The following SETD1B variants were observed in gnomAD, a reference collection of about 807,000 sequenced individuals.
SETD1B encodes SET domain containing 1B, histone lysine methyltransferase.
In SETD1B, 7 loss-of-function variants were observed where a neutral mutation model predicts 148.0. The observed-to-expected ratio is 0.05, with a 90% CI of 0.03 to 0.09. The LOEUF (loss-of-function observed/expected upper bound fraction) is 0.09. Ranked by LOEUF, SETD1B falls within the 10% of genes least tolerant of loss-of-function variation. The probability of loss-of-function intolerance (pLI) is 1.00; values close to 1 mark genes in which losing one functional copy is unlikely to be tolerated. For missense variants in SETD1B, 2,155 were observed against 2,729.9 expected (o/e 0.79, Z 4.69); for synonymous variants, 1,361 against 1,186.5 (o/e 1.15, Z -3.02).
chr12:121,812,673 G>T (rs1302718051), intron 6 of SETD1B, among the ~76,000 whole-genome samples: 1 of 152,086 alleles, frequency 6.6e-6, no homozygotes, highest in African/African-American at 2.4e-5. Context: ...GTCCAGGACT[G>T]ATCTGGGGAG....
rs1279560267 is a variant in SETD1B at position 121,804,177 on chromosome 12, C to T, written c.-71C>T. 2 of 149,204 alleles carry T rather than the reference C, an allele frequency of 1.3e-5. No individual in the cohort carries two copies. Among genetic ancestry groups the T allele is most frequent in the African/African-American group, 4.9e-5 (2 of 40,938 alleles). 9.2% of individuals were successfully genotyped at this position (149,204 alleles called of 1,614,324 possible). ...GTCCGGCCGCCCCGGCCTCGGCTCC[C>T]TCGGGGGACACCATGTACTGGCTGG... On this transcript the variant is annotated 5_prime_UTR_variant, in exon 1 of 17. Coordinates refer to ENST00000604567, the MANE Select transcript of SETD1B (RefSeq NM_001353345.2). The surrounding 1 kb of genome is among the most constrained non-coding windows in gnomAD (Gnocchi z 4.6).
chr12:121,814,197 T>C lies in SETD1B; in HGVS notation c.1982T>C (p.Val661Ala). 6.5e-7 allele frequency: 1 copy of C among 1,544,246 alleles called. No homozygotes were observed. The highest frequency in any genetic ancestry group is 8.7e-7 in the Non-Finnish European group (1 of 1,145,992). ...ITSADCPKPM[V>A]VTPGAAAVAA... ...AGCGCTGACTGCCCCAAGCCCATGGTGGTGACCCCAGGAGCGGCAGCCGTG... is the reference window on the plus strand; with the variant it reads ...AGCGCTGACTGCCCCAAGCCCATGGCGGTGACCCCAGGAGCGGCAGCCGTG... The change falls in exon 7 of 17, where the codon GTG (valine) becomes GCG (alanine). Residue 661 changes from valine to alanine, a missense_variant. By Grantham distance (64) the Val-to-Ala change is moderately conservative. Transcript: ENST00000604567.
chr12:121,831,527 A>G lies in SETD1B; in HGVS notation c.*1288A>G, dbSNP rs182918678. ...TTTGAAGTTCAGAACCAACTTCTGT[A>G]TATAGAGGCTGCCGCAAAGGACTTT... On this transcript the variant is annotated 3_prime_UTR_variant, in exon 17 of 17. Coordinates refer to ENST00000604567, the MANE Select transcript of SETD1B (RefSeq NM_001353345.2). The G allele has an allele frequency of 2.0e-5, 3 of 151,976 alleles. No homozygotes were observed. Among genetic ancestry groups the G allele is most frequent in the South Asian group, 2.1e-4 (1 of 4,824 alleles). The allele number at this position is 151,976 out of a possible 1,614,324, so 9.4% of individuals were successfully genotyped here.
At chr12:121,796,318 G>A in the SETD1B span, 5 of 152,902 alleles carry the variant, frequency 3.3e-5, no homozygotes, top group Admixed American at 6.5e-5. Context: ...ACTGAAGCCT[G>A]GGGGAGCGGC....
At chr12:121,809,515 C>T in intron 5 of SETD1B, 88 bp from the exon 6 acceptor site, 1 of 1,406,026 alleles carries the variant, frequency 7.1e-7, no homozygotes, top group Non-Finnish European at 9.4e-7. Flanking sequence ...TGGCTCTGAG[C>T]TTCCCAGCAG....
intron 10 of SETD1B, 146 bp downstream of exon 10, chr12:121,818,050 T>A: frequency 1.3e-6 from 1 of 772,972 alleles, no homozygotes; most frequent in Non-Finnish European, 2.0e-6. Context: ...CAGGGTGGCG[T>A]ACGGTTCCAT....
rs117774166 is a variant in SETD1B, at chr12:121,827,864, G to A, written c.5589+10G>A. 16,869 of 1,555,348 alleles carry A rather than the reference G, an allele frequency of 0.011. 228 individuals are homozygous for A. Among genetic ancestry groups the A allele is most frequent in the Middle Eastern group, 0.036 (217 of 6,002 alleles). ...CCAGAATATCCGTCAGGTAGGCACC[G>A]CCCGGCAGGATGGGCACCGGGGTGG... is the stretch of plus-strand genomic sequence containing the variant. On this transcript the variant is annotated intron_variant, in intron 15 of 16. Transcript: ENST00000604567.
At chr12:121,806,533 A>G (rs922388805) in intron 4 of SETD1B, among the ~76,000 whole-genome samples, 16 of 152,250 alleles carry the variant, frequency 1.1e-4, no homozygotes, top group Middle Eastern at 6.8e-3. Context: ...GAAAACTGAA[A>G]AGAGAGTCCT....
chr12:121,809,627 A>C lies in SETD1B; in HGVS notation c.682A>C (p.Lys228Gln). 3 of 1,550,558 alleles carry C rather than the reference A, an allele frequency of 1.9e-6. No homozygotes were observed. The highest frequency in any genetic ancestry group is 2.6e-6 in the Non-Finnish European group (3 of 1,146,446). The change falls in exon 6 of 17, where the codon AAG becomes CAG. Residue 228 changes from lysine to glutamine, a missense_variant. Around this residue, in one of 11 missense-constraint regions of SETD1B, gnomAD observed 124 missense variants for 282.9 expected, o/e 0.44. Transcript: ENST00000604567. ...LQLSDALKRL[K>Q]DGGLSAGCGS... is the part of the protein sequence containing the mutation. The stretch of plus-strand genomic sequence containing the variant: ...GCTGTCAGATGCCCTGAAGCGCCTC[A>C]AGGATGGAGGCCTGTCTGCAGGCTG...
intron 11 of SETD1B, 42 bp from the exon 12 acceptor site, chr12:121,822,448 G>T (rs756842779): frequency 6.7e-7 from 1 of 1,492,308 alleles, no homozygotes; most frequent in African/African-American, 1.4e-5. Flanking sequence ...GAGACGTTTG[G>T]ATTGAATAGT....
the SETD1B span, among the ~76,000 whole-genome samples, chr12:121,798,526 C>A: frequency 6.6e-6 from 1 of 152,232 alleles, no homozygotes. Context: ...CCTCCCACCA[C>A]CCTTTCCAGC....
Position 121,814,696 on chromosome 12 carries a change from C to T in SETD1B, c.2481C>T (p.Gly827=), listed in dbSNP as rs1352259236. 7.7e-6 allele frequency: 12 copies of T among 1,550,420 alleles called. No individual in the cohort carries two copies. The highest frequency in any genetic ancestry group is 1.4e-5 in the African/African-American group (1 of 73,026). The change falls in exon 7 of 17, where the codon GGC becomes GGT. Residue 827 remains glycine, a synonymous_variant. Transcript: ENST00000604567. The stretch of plus-strand genomic sequence containing the variant: ...GCCCCTTCTCCCTGAGCAACTCCGG[C>T]CCAGGCCGCGGGCAGCACTGGCCAC... ...YRGPFSLSNS[G]PGRGQHWPPL... is the part of the protein sequence containing the mutation.
rs1306354428 is a variant in SETD1B, at chr12:121,823,317, C to T, written c.4738C>T (p.Pro1580Ser). ...CCTGGACTTCCGGAACGCGGGGATC[C>T]CAGCCCCTCCACCACCCCTTCCCCC... ...VTLDFRNAGI[P>S]APPPPLPPQP... Residue 1580 changes from proline to serine, a missense_variant, in exon 12 of 17, where the codon CCA becomes TCA. Pro to Ser is a moderately conservative substitution (Grantham distance 74, BLOSUM62 -1). Coordinates refer to ENST00000604567, the MANE Select transcript of SETD1B (RefSeq NM_001353345.2). 3 of 1,545,342 alleles carry T rather than the reference C, an allele frequency of 1.9e-6. No individual in the cohort carries two copies. The highest frequency in any genetic ancestry group is 2.6e-6 in the Non-Finnish European group (3 of 1,145,310).
Position 121,810,154 on chromosome 12 carries a change from A to C in SETD1B, c.1209A>C (p.Pro403=), listed in dbSNP as rs1472733199. The stretch of plus-strand genomic sequence containing the variant: ...CTGCTTTCTCTCCGTATCAGACCCC[A>C]GTGGCCCACTTCCCTCCACCCCCGG... ...FKSAFSPYQT[P]VAHFPPPPEE... The change falls in exon 6 of 17, where the codon CCA becomes CCC. Residue 403 remains proline (P), a synonymous_variant. Transcript: ENST00000604567. This position sits in a 1 kb window ranked among gnomAD's most constrained non-coding sequence, Gnocchi z 7.6. 2.6e-6 allele frequency: 4 copies of C among 1,549,762 alleles called. No homozygotes were observed. In the East Asian group the frequency reaches 9.8e-5, roughly 38 times the overall value.
At position 121,814,360 on chromosome 12, in the gene SETD1B, A is replaced by G. The variant is rs775455395; in HGVS notation, c.2145A>G (p.Pro715=). 4.6e-6 allele frequency: 1 copy of G among 218,832 alleles called. No homozygotes were observed. The highest frequency in any genetic ancestry group is 2.8e-5 in the South Asian group (1 of 36,190). The allele number at this position is 218,832 out of a possible 1,614,324, so 13.6% of individuals were successfully genotyped here. ...CACCGCTGCCCCCACCGCCGCCCCC[A>G]CCCCCTCCAGCCCACCCTGCTGTGA... ...MPPPLPPPPP[P]PPPAHPAVTV... is the part of the protein sequence containing the mutation. The change falls in exon 7 of 17, where the codon CCA becomes CCG. Residue 715 remains proline, a synonymous_variant. Transcript: ENST00000604567.
At position 121,823,337 on chromosome 12, in the gene SETD1B, T is replaced by TGGGCG; in HGVS notation, c.4758_4759insGGGCG (p.Pro1587GlyfsTer15). 1.2e-6 allele frequency: 1 copy of TGGGCG among 809,484 alleles called. No homozygotes were observed. The highest frequency in any genetic ancestry group is 1.8e-6 in the Non-Finnish European group (1 of 560,558). 50.1% of individuals were successfully genotyped at this position (809,484 alleles called of 1,614,324 possible). On this transcript the variant is annotated frameshift_variant, in exon 12 of 17. Transcript: ENST00000604567. LOFTEE classifies it high-confidence loss of function. ...GGATCCCAGCCCCTCCACCACCCCT[T>TGGGCG]CCCCCCCAGCCACCCCCACCCCCAC...
rs183621866 is a variant in SETD1B at position 121,819,435 on chromosome 12, C to G, written c.3450C>G (p.Ala1150=). 5.0e-5 allele frequency: 77 copies of G among 1,552,068 alleles called. No individual in the cohort carries two copies. The highest frequency in any genetic ancestry group is 2.5e-4 in the Admixed American group (13 of 50,994). The change falls in exon 11 of 17, where the codon GCC becomes GCG. Residue 1150 remains alanine (A), a synonymous_variant. Transcript: ENST00000604567. ...CAGTGAGCATTGTAACCTCCAAGGCCGAAGCCACGTCGTCCAGTGAGAGTT... is the reference window on the plus strand; with the variant it reads ...CAGTGAGCATTGTAACCTCCAAGGCGGAAGCCACGTCGTCCAGTGAGAGTT... ...EETVSIVTSK[A]EATSSSESSE...
chr12:121,790,460 C>T, the SETD1B span, among the ~76,000 whole-genome samples: 4 of 152,252 alleles, frequency 2.6e-5, no homozygotes, highest in Admixed American at 6.5e-5. Context: ...GAGCCGTCCA[C>T]CTGCAGGCCG....
chr12:121,798,390 G>A, the SETD1B span, among the ~76,000 whole-genome samples: 5 of 151,996 alleles, frequency 3.3e-5, no homozygotes, highest in Middle Eastern at 3.2e-3. Context: ...CAGCAGGTGG[G>A]CTGGTGCGGG....
Sources: gnomAD v4.1 joint callset for allele counts (sites outside exome capture counted in the v4.1 genomes callset) on GRCh38, gnomAD v4.1.1 for gene constraint, gnomAD v4.1.1 regional missense constraint, Gnocchi (gnomAD v3.1) non-coding constraint, MANE v1.5 for transcripts, NCBI Gene and HGNC (gene_info 2026-07-23, HGNC 2026-07-21) for gene names.